Variants in RBM38 observed in about 807,000 individuals in gnomAD.
The protein encoded by RBM38 is RNA-binding protein 38.
RBM38 carries 11 observed loss-of-function variants against 23.5 expected under a neutral mutation model. The ratio of observed to expected loss-of-function variants is 0.47; its 90% CI spans 0.29 to 0.77. The LOEUF is 0.77. Among genes scored for constraint, RBM38 ranks in the 30% least tolerant of loss-of-function variants. The pLI, the probability that RBM38 is intolerant of heterozygous loss-of-function variation, is 0.08. For synonymous variants in RBM38, 165 were observed against 166.1 expected (o/e 0.99, Z 0.05); for missense variants, 330 against 351.9 (o/e 0.94, Z 0.50).
chr20:57,402,586 G>A (rs1223403402), intron 3 of RBM38, among the ~76,000 whole-genome samples: 1 of 152,224 alleles, frequency 6.6e-6, no homozygotes, highest in Non-Finnish European at 1.5e-5. Context: ...CAGCTACCAG[G>A]CTGTGCCCTT....
At chr20:57,399,593 G>T (rs1361577005) in intron 3 of RBM38, among the ~76,000 whole-genome samples, 1 of 152,230 alleles carries the variant, frequency 6.6e-6, no homozygotes, top group African/African-American at 2.4e-5. Context: ...TCAGGAGTTG[G>T]AGTTTGGGCC....
At chr20:57,394,674 G>T (rs2067256523) in intron 3 of RBM38, among the ~76,000 whole-genome samples, 1 of 152,128 alleles carries the variant, frequency 6.6e-6, no homozygotes, top group Non-Finnish European at 1.5e-5. Flanking sequence ...GTCTTAGAGG[G>T]TGTTTGGGGA....
At chr20:57,401,095 G>GT (rs113338503) in intron 3 of RBM38, among the ~76,000 whole-genome samples, 5,605 of 152,330 alleles carry the variant, frequency 0.037, 360 homozygotes, top group African/African-American at 0.13. Context: ...CCGCTGGTCT[G>GT]TTTTGCTCAC....
At position 57,407,488 on chromosome 20, in the gene RBM38, C is replaced by T. The variant is rs2067398183; in HGVS notation, c.417-55C>T. On this transcript the variant is annotated intron_variant, in intron 3 of 3. Coordinates refer to ENST00000356208, the MANE Select transcript of RBM38 (RefSeq NM_017495.6). This position sits in a 1 kb window ranked among gnomAD's most constrained non-coding sequence, Gnocchi z 4.0. ...CGCATCGTGTACCCCACTGTTCTCC[C>T]AGCTGTATTCCCCAACTCCGTTCTG... 4 of 1,570,108 alleles carry T rather than the reference C, an allele frequency of 2.5e-6. No individual in the cohort carries two copies. The highest frequency in any genetic ancestry group is 1.7e-5 in the Admixed American group (1 of 57,482).
At chr20:57,397,210 G>A (rs996085603) in intron 3 of RBM38, among the ~76,000 whole-genome samples, 1 of 152,236 alleles carries the variant, frequency 6.6e-6, no homozygotes, top group African/African-American at 2.4e-5. Flanking sequence ...GGGAAGTCAC[G>A]GTTTGTCAGT....
chr20:57,396,142 T>C (rs1224318477), intron 3 of RBM38, among the ~76,000 whole-genome samples: 2 of 152,256 alleles, frequency 1.3e-5, no homozygotes, highest in Non-Finnish European at 2.9e-5. Context: ...AACTTTACAC[T>C]TTATGCTATT....
intron 3 of RBM38, among the ~76,000 whole-genome samples, chr20:57,404,386 C>T (rs2067360408): frequency 6.6e-6 from 1 of 152,270 alleles, no homozygotes; most frequent in Non-Finnish European, 1.5e-5. Context: ...GGCATCACTG[C>T]CCATGTTTGG....
At chr20:57,392,212 C>T (rs934819340) in intron 1 of RBM38, 8 of 337,994 alleles carry the variant, frequency 2.4e-5, no homozygotes, top group Non-Finnish European at 4.0e-5. Flanking sequence ...TTTTTAACAG[C>T]CCTCTCAGCC....
chr20:57,398,412 CAG>C (rs1359157897), intron 3 of RBM38, among the ~76,000 whole-genome samples: 3 of 152,186 alleles, frequency 2.0e-5, no homozygotes, highest in African/African-American at 7.2e-5. Context: ...GTGGCGGGCA[CAG>C]GGTGAGCACC....
intron 3 of RBM38, among the ~76,000 whole-genome samples, chr20:57,404,952 C>T (rs1158270647): frequency 6.6e-6 from 1 of 152,188 alleles, no homozygotes; most frequent in African/African-American, 2.4e-5. Flanking sequence ...CAGACCCGGC[C>T]GCCCCCATGG....
Position 57,393,653 on chromosome 20 carries a change from G to GGGTGGGCCT in RBM38, c.416+325_416+333dup, listed in dbSNP as rs555520343. On this transcript the variant is annotated intron_variant, in intron 3 of 3. Coordinates refer to ENST00000356208, the MANE Select transcript of RBM38 (RefSeq NM_017495.6). ...CTGAGTTCTCTGAATGGAGGGCCTA[G>GGGTGGGCCT]GGTGGGCCTGGTGCAGGTAACGCCC... 5.6e-4 allele frequency among the ~76,000 whole-genome samples: 85 copies of GGGTGGGCCT among 152,348 alleles called. No individual in the cohort carries two copies. The Middle Eastern group carries it at 0.014, about 24-fold the overall frequency.
At chr20:57,403,557 G>A (rs1454068547) in intron 3 of RBM38, among the ~76,000 whole-genome samples, 2 of 152,202 alleles carry the variant, frequency 1.3e-5, no homozygotes, top group Non-Finnish European at 2.9e-5. Flanking sequence ...GATGGGGCAA[G>A]TCGCTTGGGG....
At chr20:57,392,006 G>A (rs1231935223) in intron 1 of RBM38, among the ~76,000 whole-genome samples, 188 bp downstream of exon 1, 1 of 34,022 alleles carries the variant, frequency 2.9e-5, no homozygotes, top group African/African-American at 7.6e-5. Flanking sequence ...ACCACCCCAG[G>A]CCCCGGCCCC....
rs935852970 is a variant in RBM38, at chr20:57,408,442, CAG to C, written c.*597_*598del. On this transcript the variant is annotated 3_prime_UTR_variant, in exon 4 of 4. Transcript: ENST00000356208. ...CCAGGCGCACAGGGGCCGCCGGTAACAGGGGCCGCCGGCCAAAGGCCCCTTTC... is the reference window on the plus strand; with the variant it reads ...CCAGGCGCACAGGGGCCGCCGGTAACGGGCCGCCGGCCAAAGGCCCCTTTC... 26 of 152,990 alleles carry C rather than the reference CAG, an allele frequency of 1.7e-4. 1 individual carries two copies. The highest frequency in any genetic ancestry group is 7.8e-4 in the Admixed American group (12 of 15,450). 9.5% of individuals were successfully genotyped at this position (152,990 alleles called of 1,614,324 possible).
In RBM38 at chr20:57,407,029, G is replaced by T. The variant is rs868670746; in HGVS notation, c.417-514G>T. Among the ~76,000 whole-genome samples the T allele has an allele frequency of 2.0e-5, 3 of 151,748 alleles. No homozygotes were observed. The highest frequency in any genetic ancestry group is 3.4e-3 in the Middle Eastern group (1 of 292). On this transcript the variant is annotated intron_variant, in intron 3 of 3. Transcript: ENST00000356208. This position sits in a 1 kb window ranked among gnomAD's most constrained non-coding sequence, Gnocchi z 4.0. The stretch of plus-strand genomic sequence containing the variant: ...AAAAAAACAAACCCTGTGAGGAGCA[G>T]GTGTTGGCTGGGAGAGCAGGCGTGT...
At chr20:57,402,113 A>G (rs1315279818) in intron 3 of RBM38, among the ~76,000 whole-genome samples, 2 of 151,582 alleles carry the variant, frequency 1.3e-5, no homozygotes, top group African/African-American at 2.4e-5. Flanking sequence ...ACGCCCAGCT[A>G]TTTTTGTATT....
chr20:57,394,089 T>TA (rs1399817343), intron 3 of RBM38, among the ~76,000 whole-genome samples: 1 of 152,148 alleles, frequency 6.6e-6, no homozygotes, highest in African/African-American at 2.4e-5. Context: ...CGTGGCATAT[T>TA]GATGGGGTTG....
At chr20:57,404,669 C>G (rs2067363623) in intron 3 of RBM38, among the ~76,000 whole-genome samples, 1 of 152,252 alleles carries the variant, frequency 6.6e-6, no homozygotes, top group Non-Finnish European at 1.5e-5. Flanking sequence ...CACCATGTGC[C>G]CAGTGCCTCC....
In RBM38 at chr20:57,408,133, A is replaced by G. The variant is rs2067407414; in HGVS notation, c.*287A>G. The G allele has an allele frequency of 2.0e-6, 1 of 496,404 alleles. No homozygotes were observed. The highest frequency in any genetic ancestry group is 3.7e-5 in the East Asian group (1 of 27,250). The allele number at this position is 496,404 out of a possible 1,614,324, so 30.7% of individuals were successfully genotyped here. On this transcript the variant is annotated 3_prime_UTR_variant, in exon 4 of 4. Transcript: ENST00000356208. ...GCACACCATGGCAGCCTCTCCTTGCACCTTCTCCTGCCTCTCCACACTCCA... is the reference window on the plus strand; with the variant it reads ...GCACACCATGGCAGCCTCTCCTTGCGCCTTCTCCTGCCTCTCCACACTCCA...
Sources: allele counts gnomAD v4.1 joint callset (sites outside exome capture counted in the v4.1 genomes callset), GRCh38; gene constraint gnomAD v4.1.1; non-coding constraint Gnocchi (gnomAD v3.1); transcripts MANE v1.5; gene names NCBI Gene and HGNC (gene_info 2026-07-23, HGNC 2026-07-21).